Variants in MGMT observed in about 807,000 individuals in gnomAD.
The protein encoded by MGMT is methylated-DNA--protein-cysteine methyltransferase.
In MGMT, 14 loss-of-function variants were observed where a neutral mutation model predicts 15.9. That is an observed-to-expected ratio of 0.88 (90% CI 0.58 to 1.37). The LOEUF (loss-of-function observed/expected upper bound fraction) is 1.37. Among genes scored for constraint, MGMT ranks in the 40% most tolerant of loss-of-function variants. MGMT has a pLI of 0.00. For missense variants in MGMT, 282 were observed against 268.1 expected (o/e 1.05, Z -0.36); for synonymous variants, 130 against 118.2 (o/e 1.10, Z -0.65).
At position 129,494,012 on chromosome 10, in the gene MGMT, G is replaced by A. The variant is rs139060613; in HGVS notation, c.-13+26716G>A. On this transcript the variant is annotated intron_variant, in intron 1 of 4. Coordinates refer to ENST00000651593, the MANE Select transcript of MGMT (RefSeq NM_002412.5). Reference sequence around the variant, plus strand: ...ATATCATTTTTGGAGATGGCATAGTGTCCTACTGTAAAGATATAACCTTCT... The same window carrying A: ...ATATCATTTTTGGAGATGGCATAGTATCCTACTGTAAAGATATAACCTTCT... 5.6e-3 allele frequency among the ~76,000 whole-genome samples: 846 copies of A among 152,270 alleles called. 15 individuals carry two copies. The highest frequency in any genetic ancestry group is 6.0e-3 in the African/African-American group (249 of 41,532).
At chr10:129,742,011 G>C (rs985788781) in intron 3 of MGMT, among the ~76,000 whole-genome samples, 1 of 152,216 alleles carries the variant, frequency 6.6e-6, no homozygotes, top group Non-Finnish European at 1.5e-5. Flanking sequence ...AGGGGCTCTG[G>C]GGAGACTTTG....
chr10:129,727,456 C>A (rs1048189354), intron 3 of MGMT, among the ~76,000 whole-genome samples: 2 of 152,176 alleles, frequency 1.3e-5, no homozygotes, highest in African/African-American at 2.4e-5. Context: ...TGAGCCCGAC[C>A]CTTCTGAATT....
intron 2 of MGMT, among the ~76,000 whole-genome samples, chr10:129,570,063 GTTATCTCC>G (rs1180627988): frequency 2.0e-5 from 3 of 152,358 alleles, no homozygotes; most frequent in African/African-American, 7.2e-5. Context: ...CCTTTACCAA[GTTATCTCC>G]ATGGCCCTTG....
chr10:129,492,636 C>G (rs892660464), intron 1 of MGMT, among the ~76,000 whole-genome samples: 2 of 152,188 alleles, frequency 1.3e-5, no homozygotes, highest in African/African-American at 4.8e-5. Flanking sequence ...GGTGGAGTGG[C>G]TTTGTGTGGA....
intron 2 of MGMT, among the ~76,000 whole-genome samples, chr10:129,678,315 G>A (rs1938595556): frequency 6.6e-6 from 1 of 152,084 alleles, no homozygotes; most frequent in African/African-American, 2.4e-5. Flanking sequence ...GAGCTTGCCA[G>A]GGCTGCTGTC....
At chr10:129,655,859 C>G (rs1453834725) in intron 2 of MGMT, among the ~76,000 whole-genome samples, 1 of 152,092 alleles carries the variant, frequency 6.6e-6, no homozygotes, top group African/African-American at 2.4e-5. Flanking sequence ...GGAGGAAACG[C>G]ACAGTGTCCA....
chr10:129,544,648 G>A lies in MGMT; in HGVS notation c.125+8271G>A, dbSNP rs561434174. Among the ~76,000 whole-genome samples the A allele has an allele frequency of 2.2e-4, 34 of 152,332 alleles. No homozygotes were observed. In the South Asian group the frequency reaches 4.3e-3, roughly 19 times the overall value. On this transcript the variant is annotated intron_variant, in intron 2 of 4. Transcript: ENST00000651593. ...CTCCTGCTGATCAGCCTCTGTTGCAGAGAGTCTGGCCCTGTGGACCCCTGC... is the reference window on the plus strand; with the variant it reads ...CTCCTGCTGATCAGCCTCTGTTGCAAAGAGTCTGGCCCTGTGGACCCCTGC...
At chr10:129,629,399 A>G (rs1388154265) in intron 2 of MGMT, among the ~76,000 whole-genome samples, 1 of 152,220 alleles carries the variant, frequency 6.6e-6, no homozygotes, top group Non-Finnish European at 1.5e-5. Flanking sequence ...GTATCATAGA[A>G]TATTTCATTG....
At chr10:129,722,711 G>A (rs7916932) in intron 3 of MGMT, among the ~76,000 whole-genome samples, 46,957 of 151,994 alleles carry the variant, frequency 0.31, 7,380 homozygotes, top group Middle Eastern at 0.44. Flanking sequence ...AATGAGGAAA[G>A]TAAAGTCTTG....
At chr10:129,471,525 A>G (rs1845231043) in intron 1 of MGMT, among the ~76,000 whole-genome samples, 1 of 152,060 alleles carries the variant, frequency 6.6e-6, no homozygotes, top group African/African-American at 2.4e-5. Context: ...CCACTACTGG[A>G]ATGCGATTCC....
intron 2 of MGMT, among the ~76,000 whole-genome samples, chr10:129,585,553 G>T (rs1846608624): frequency 6.6e-6 from 1 of 152,170 alleles, no homozygotes; most frequent in Non-Finnish European, 1.5e-5. Flanking sequence ...ATATAGCCCA[G>T]AGACACCCTC....
intron 1 of MGMT, among the ~76,000 whole-genome samples, chr10:129,531,932 C>G (rs1042274432): frequency 6.6e-6 from 1 of 152,138 alleles, no homozygotes; most frequent in Non-Finnish European, 1.5e-5. Context: ...AAATAATTAG[C>G]CAGTTGGATA....
At chr10:129,589,177 T>C (rs1846652614) in intron 2 of MGMT, among the ~76,000 whole-genome samples, 3 of 152,226 alleles carry the variant, frequency 2.0e-5, no homozygotes, top group African/African-American at 7.2e-5. Context: ...GAGGACGTCA[T>C]GGTGTCTGTT....
chr10:129,650,800 T>G (rs1847448485), intron 2 of MGMT, among the ~76,000 whole-genome samples: 1 of 152,180 alleles, frequency 6.6e-6, no homozygotes, highest in African/African-American at 2.4e-5. Flanking sequence ...AGCCATGTCC[T>G]TGGTGAGGGC....
Position 129,747,845 on chromosome 10 carries a change from T to C in MGMT, c.275-11357T>C, listed in dbSNP as rs148245154. ...CTAGACAGTGTTAAGGAGTACTGAT[T>C]AACTATTTTGTAGAATGTTCCTCTT... On this transcript the variant is annotated intron_variant, in intron 3 of 4. Coordinates refer to ENST00000651593, the MANE Select transcript of MGMT (RefSeq NM_002412.5). Among the ~76,000 whole-genome samples the C allele has an allele frequency of 5.9e-5, 9 of 152,324 alleles. No individual in the cohort carries two copies. The East Asian group carries it at 1.7e-3, about 29-fold the overall frequency.
At chr10:129,678,891 G>A (rs1380507683) in intron 2 of MGMT, among the ~76,000 whole-genome samples, 1 of 151,948 alleles carries the variant, frequency 6.6e-6, no homozygotes, top group Admixed American at 6.6e-5. Flanking sequence ...CGGCCAACAT[G>A]GCAAAACCCT....
At chr10:129,693,005 G>C (rs1161255764) in intron 2 of MGMT, among the ~76,000 whole-genome samples, 1 of 152,250 alleles carries the variant, frequency 6.6e-6, no homozygotes, top group Non-Finnish European at 1.5e-5. Context: ...GTGTCACTCA[G>C]TCTTTATCCA....
intron 2 of MGMT, among the ~76,000 whole-genome samples, chr10:129,624,911 A>G (rs1352094032): frequency 6.6e-6 from 1 of 152,236 alleles, no homozygotes; most frequent in Non-Finnish European, 1.5e-5. Context: ...AGGAAGGAAC[A>G]GTAAAAATAA....
At position 129,469,094 on chromosome 10, in the gene MGMT, C is replaced by G. The variant is rs141300387; in HGVS notation, c.-13+1798C>G. Among the ~76,000 whole-genome samples the G allele has an allele frequency of 5.8e-3, 884 of 152,168 alleles. 13 individuals carry two copies. Among genetic ancestry groups the G allele is most frequent in the African/African-American group, 0.021 (857 of 41,490 alleles). On this transcript the variant is annotated intron_variant, in intron 1 of 4. Coordinates refer to ENST00000651593, the MANE Select transcript of MGMT (RefSeq NM_002412.5). ...GCCTTACTTTTCGTTGTTTGGGTTT[C>G]CTCCCCAGGTGTCTCAATCAGGGCC...
Sources: gnomAD v4.1 joint callset for allele counts (sites outside exome capture counted in the v4.1 genomes callset) on GRCh38, gnomAD v4.1.1 for gene constraint, MANE v1.5 for transcripts, NCBI Gene and HGNC (gene_info 2026-07-23, HGNC 2026-07-21) for gene names.